Variants in ACTR3C observed in about 807,000 individuals in gnomAD.
ACTR3C encodes the protein actin related protein 3C.
A neutral mutation model predicts 26.3 loss-of-function variants in ACTR3C; 18 were observed. The ratio of observed to expected loss-of-function variants is 0.68; its 90% CI spans 0.47 to 1.01. The LOEUF (loss-of-function observed/expected upper bound fraction) is 1.01. ACTR3C is among the 50% of genes least tolerant of loss of function. ACTR3C has a pLI of 0.00. For synonymous variants in ACTR3C, 55 were observed against 94.5 expected (o/e 0.58, Z 2.42); for missense variants, 184 against 250.7 (o/e 0.73, Z 1.80).
At chr7:149,994,869 T>C in the ACTR3C span, among the ~76,000 whole-genome samples, 2 of 134,980 alleles carry the variant, frequency 1.5e-5, no homozygotes, top group East Asian at 4.7e-4. Flanking sequence ...TTTTTTGAGA[T>C]GGAGTATGGA....
At chr7:150,032,066 T>G in the ACTR3C span, among the ~76,000 whole-genome samples, 2 of 152,216 alleles carry the variant, frequency 1.3e-5, no homozygotes, top group African/African-American at 4.8e-5. Context: ...CATCTCTGCC[T>G]TGTTGGAGCT....
intron 6 of ACTR3C, among the ~76,000 whole-genome samples, chr7:150,255,716 C>A (rs1017376155): frequency 1.3e-5 from 2 of 152,170 alleles, no homozygotes; most frequent in Non-Finnish European, 2.9e-5. Flanking sequence ...GAAGTATTTT[C>A]ACCTTATAGT....
At chr7:150,258,000 G>A (rs1833343442) in intron 6 of ACTR3C, among the ~76,000 whole-genome samples, 1 of 152,230 alleles carries the variant, frequency 6.6e-6, no homozygotes, top group African/African-American at 2.4e-5. Context: ...CAGGAGGTTA[G>A]AGGTGCGACC....
chr7:149,948,809 T>G, the ACTR3C span, among the ~76,000 whole-genome samples: 6,847 of 149,228 alleles, frequency 0.046, 257 homozygotes, highest in African/African-American at 0.15. Context: ...CCAGGACACC[T>G]TCACGGTCCG....
At chr7:150,288,817 A>G (rs1835983754) in intron 4 of ACTR3C, among the ~76,000 whole-genome samples, 2 of 147,692 alleles carry the variant, frequency 1.4e-5, no homozygotes, top group Admixed American at 6.6e-5. Flanking sequence ...GTCATACCCA[A>G]CTGCAGAGCC....
rs190271180 is a variant in ACTR3C, at chr7:150,259,525, C to T, written c.565-10471G>A. Among the ~76,000 whole-genome samples the T allele has an allele frequency of 2.6e-5, 4 of 152,246 alleles. No homozygotes were observed. In the East Asian group the frequency reaches 5.8e-4, roughly 22 times the overall value. On this transcript the variant is annotated intron_variant, in intron 6 of 7. Coordinates refer to ENST00000683684, the MANE Select transcript of ACTR3C (RefSeq NM_001164458.2). ...GCATGACCTAGTGAAGACTGTCAAC[C>T]ATGGCTGCATGTTAAAATAACCTAG...
At chr7:150,289,882 G>A (rs1836099822) in intron 3 of ACTR3C, among the ~76,000 whole-genome samples, 1 of 152,172 alleles carries the variant, frequency 6.6e-6, no homozygotes, top group African/African-American at 2.4e-5. Flanking sequence ...ACATAAGATA[G>A]TTCATTTCCA....
the ACTR3C span, among the ~76,000 whole-genome samples, chr7:150,205,659 T>G: frequency 6.6e-6 from 1 of 152,200 alleles, no homozygotes; most frequent in Non-Finnish European, 1.5e-5. Flanking sequence ...AACATCATCT[T>G]TTTTTCCTTG....
chr7:150,085,338 T>G, the ACTR3C span, among the ~76,000 whole-genome samples: 2 of 152,190 alleles, frequency 1.3e-5, no homozygotes, highest in Non-Finnish European at 2.9e-5. Context: ...CAGATAAGAC[T>G]TCAATGCTGA....
the ACTR3C span, among the ~76,000 whole-genome samples, chr7:150,038,716 G>T: frequency 2.8e-5 from 4 of 141,220 alleles, no homozygotes; most frequent in African/African-American, 1.1e-4. Context: ...TCCTCCAGGT[G>T]GGTCCTAAGG....
At chr7:149,889,587 T>C in the ACTR3C span, among the ~76,000 whole-genome samples, 1 of 152,180 alleles carries the variant, frequency 6.6e-6, no homozygotes, top group Non-Finnish European at 1.5e-5. Flanking sequence ...ATGAGACATT[T>C]CATACTCATC....
At chr7:150,245,585 A>C (rs1832421297), downstream of ACTR3C, 1 of 152,118 alleles carries the variant, frequency 6.6e-6, no homozygotes, top group African/African-American at 2.4e-5. Flanking sequence ...CAACTGCAGG[A>C]AAGTTGGGAA....
At chr7:150,036,088 C>A in the ACTR3C span, among the ~76,000 whole-genome samples, 12 of 131,448 alleles carry the variant, frequency 9.1e-5, no homozygotes, top group African/African-American at 2.9e-4. Flanking sequence ...TGCTCCCCCC[C>A]CTGCGATGGG....
At chr7:150,185,510 A>T in the ACTR3C span, among the ~76,000 whole-genome samples, 1 of 152,154 alleles carries the variant, frequency 6.6e-6, no homozygotes, top group East Asian at 1.9e-4. Flanking sequence ...ATCTTTTTCT[A>T]TATAAAGGAA....
chr7:149,995,563 T>C, the ACTR3C span, among the ~76,000 whole-genome samples: 1 of 152,268 alleles, frequency 6.6e-6, no homozygotes. Context: ...ACAATTTTAA[T>C]ACTGCGTTGT....
At chr7:150,119,342 C>T in the ACTR3C span, among the ~76,000 whole-genome samples, 3,854 of 152,236 alleles carry the variant, frequency 0.025, 170 homozygotes, top group African/African-American at 0.086. Flanking sequence ...TCAGGAGACC[C>T]ATTTCACATG....
At chr7:150,234,274 T>A in the ACTR3C span, among the ~76,000 whole-genome samples, 1 of 152,170 alleles carries the variant, frequency 6.6e-6, no homozygotes, top group African/African-American at 2.4e-5. Flanking sequence ...CTTCTCCCCT[T>A]ACAAGGAACA....
the ACTR3C span, among the ~76,000 whole-genome samples, chr7:150,003,522 GATGTGGT>G: frequency 3.3e-5 from 5 of 152,412 alleles, no homozygotes; most frequent in African/African-American, 1.2e-4. Flanking sequence ...TGTGGTATGT[GATGTGGT>G]ATGTGGTATG....
At chr7:150,288,886 C>G (rs965988693) in intron 4 of ACTR3C, among the ~76,000 whole-genome samples, 3 of 151,508 alleles carry the variant, frequency 2.0e-5, no homozygotes, top group Admixed American at 2.0e-4. Context: ...CTGGTGCTTC[C>G]TTTCCTTCAG....
Sources: allele counts gnomAD v4.1 joint callset (sites outside exome capture counted in the v4.1 genomes callset), GRCh38; gene constraint gnomAD v4.1.1; transcripts MANE v1.5; gene names NCBI Gene and HGNC (gene_info 2026-07-23, HGNC 2026-07-21).